Variants in RSPRY1 observed in about 807,000 individuals in gnomAD.
RSPRY1 encodes the protein RING finger and SPRY domain-containing protein 1.
In RSPRY1, 23 loss-of-function variants were observed where a neutral mutation model predicts 73.1. The observed-to-expected ratio is 0.31, with a 90% CI of 0.23 to 0.45. The LOEUF is 0.45. Ranked by LOEUF, RSPRY1 falls within the 20% of genes least tolerant of loss-of-function variation. The pLI, the probability that RSPRY1 is intolerant of heterozygous loss-of-function variation, is 1.00. For missense variants in RSPRY1, 448 were observed against 698.7 expected, an observed-to-expected ratio of 0.64 and a Z score of 4.05; for synonymous variants, 226 against 251.4, an observed-to-expected ratio of 0.90 and a Z score of 0.95.
chr16:57,233,980 C>T (rs1036984377), intron 13 of RSPRY1, among the ~76,000 whole-genome samples: 4 of 152,224 alleles, frequency 2.6e-5, no homozygotes, highest in Non-Finnish European at 5.9e-5. Context: ...TCACACACTT[C>T]TCTGCTCAAA....
At chr16:57,195,049 A>G (rs1447834099) in intron 1 of RSPRY1, among the ~76,000 whole-genome samples, 2 of 152,222 alleles carry the variant, frequency 1.3e-5, no homozygotes, top group Non-Finnish European at 2.9e-5. Flanking sequence ...ATGAAAAAAC[A>G]TGTAAAATGT....
At chr16:57,205,681 A>C (rs781447763) in intron 2 of RSPRY1, among the ~76,000 whole-genome samples, 18 of 152,258 alleles carry the variant, frequency 1.2e-4, no homozygotes, top group Non-Finnish European at 2.5e-4. Flanking sequence ...AGTTAAGAGC[A>C]CAAAGCTTAG....
intron 1 of RSPRY1, among the ~76,000 whole-genome samples, chr16:57,204,222 G>A (rs548554951): frequency 2.8e-4 from 42 of 151,710 alleles, no homozygotes; most frequent in African/African-American, 9.7e-4. Flanking sequence ...ATATAGACAG[G>A]AAAAACTATA....
At chr16:57,216,812 T>C (rs1277964918) in intron 7 of RSPRY1, 92 bp from the exon 8 acceptor site, 2 of 1,205,206 alleles carry the variant, frequency 1.7e-6, no homozygotes, top group East Asian at 2.3e-5. Flanking sequence ...AATTCTTTAA[T>C]TGCCTCTTCC....
At chr16:57,216,330 AC>A (rs1395386618) in intron 7 of RSPRY1, 157 bp downstream of exon 7, 1 of 576,350 alleles carries the variant, frequency 1.7e-6, no homozygotes, top group Non-Finnish European at 3.1e-6. Flanking sequence ...ATGAAGTATA[AC>A]AGGGACAAAG....
At chr16:57,233,707 C>T (rs1870871417) in intron 13 of RSPRY1, among the ~76,000 whole-genome samples, 1 of 152,154 alleles carries the variant, frequency 6.6e-6, no homozygotes. Context: ...TCCCAGTTTC[C>T]CTGGCCATAA....
At chr16:57,199,233 G>T (rs2074511682) in intron 1 of RSPRY1, among the ~76,000 whole-genome samples, 1 of 152,308 alleles carries the variant, frequency 6.6e-6, no homozygotes, top group African/African-American at 2.4e-5. Context: ...GGCGGTTGAT[G>T]CCTGTAATCC....
chr16:57,226,586 C>T (rs1307620634), intron 10 of RSPRY1, among the ~76,000 whole-genome samples: 2 of 152,146 alleles, frequency 1.3e-5, no homozygotes, highest in Non-Finnish European at 2.9e-5. Flanking sequence ...AGTGTCATGG[C>T]ACCTGTTAGA....
At chr16:57,209,675 TTTTA>T (rs1346993651) in intron 4 of RSPRY1, among the ~76,000 whole-genome samples, 1 of 152,046 alleles carries the variant, frequency 6.6e-6, no homozygotes. Context: ...CCCTCTGTCT[TTTTA>T]TTTATTTATT....
At chr16:57,191,485 G>A (rs923586277) in intron 1 of RSPRY1, among the ~76,000 whole-genome samples, 2 of 152,106 alleles carry the variant, frequency 1.3e-5, no homozygotes, top group South Asian at 4.1e-4. Flanking sequence ...ACCAATACAA[G>A]CTTCTCACAT....
At position 57,231,334 on chromosome 16, in the gene RSPRY1, C is replaced by T. The variant is rs2075216883; in HGVS notation, c.1529+15C>T. 1 of 1,603,078 alleles carries T rather than the reference C, an allele frequency of 6.2e-7. No individual in the cohort carries two copies. Among genetic ancestry groups the T allele is most frequent in the Non-Finnish European group, 8.5e-7 (1 of 1,174,298 alleles). ...ATTTTGCCAAGGTAAGGAATCTGCCCAGGCTATCTCCAGACTTTCACATGA... is the reference window on the plus strand; with the variant it reads ...ATTTTGCCAAGGTAAGGAATCTGCCTAGGCTATCTCCAGACTTTCACATGA... On this transcript the variant is annotated intron_variant, in intron 13 of 14. Coordinates refer to ENST00000394420, the MANE Select transcript of RSPRY1 (RefSeq NM_133368.3).
chr16:57,201,840 T>C (rs1401113713), intron 1 of RSPRY1, among the ~76,000 whole-genome samples: 2 of 152,072 alleles, frequency 1.3e-5, no homozygotes, highest in Admixed American at 6.5e-5. Flanking sequence ...GCGCCTGCAA[T>C]CGCAGGCACT....
In RSPRY1 at chr16:57,220,776, A is replaced by C; in HGVS notation, c.946A>C (p.Ser316Arg). Residue 316 changes from serine (S) to arginine (R), a missense_variant, in exon 9 of 15, where the codon AGT becomes CGT. By Grantham distance (110) the Ser-to-Arg change is moderately radical (BLOSUM62 -1). Transcript: ENST00000394420. The part of the protein sequence containing the change: ...RQLTYEKVNL[S>R]SIRAMLNSND... Reference sequence around the variant, plus strand: ...GCTGACCTATGAGAAAGTGAACTTGAGTAGCATTAGGGCCATGCTGAATAG... The same window carrying C: ...GCTGACCTATGAGAAAGTGAACTTGCGTAGCATTAGGGCCATGCTGAATAG... 1 of 1,614,002 alleles carries C rather than the reference A, an allele frequency of 6.2e-7. No individual in the cohort carries two copies. Among genetic ancestry groups the C allele is most frequent in the Non-Finnish European group, 8.5e-7 (1 of 1,179,844 alleles).
At chr16:57,221,839 T>G (rs1295438442) in intron 10 of RSPRY1, among the ~76,000 whole-genome samples, 1 of 152,256 alleles carries the variant, frequency 6.6e-6, no homozygotes, top group Non-Finnish European at 1.5e-5. Context: ...TTCACTTGAC[T>G]TTTACCTAGT....
intron 1 of RSPRY1, among the ~76,000 whole-genome samples, chr16:57,193,188 C>T (rs2074380887): frequency 6.6e-6 from 1 of 152,174 alleles, no homozygotes; most frequent in Admixed American, 6.5e-5. Flanking sequence ...GGTTAGATAG[C>T]TTTGGACATC....
chr16:57,231,193 T>G lies in RSPRY1; in HGVS notation c.1403T>G (p.Phe468Cys), dbSNP rs767384245. 2 of 1,613,586 alleles carry G rather than the reference T, an allele frequency of 1.2e-6. No homozygotes were observed. Among genetic ancestry groups the G allele is most frequent in the South Asian group, 2.2e-5 (2 of 91,028 alleles). The change falls in exon 13 of 15, where the codon TTC becomes TGC. Residue 468 changes from phenylalanine to cysteine, a missense_variant. Physicochemically the swap from Phe to Cys is radical, Grantham distance 205 (BLOSUM62 -2). Coordinates refer to ENST00000394420, the MANE Select transcript of RSPRY1 (RefSeq NM_133368.3). ...TCTGGATTTTTTGCTGCAGCTAGTT[T>G]CATGTCATATCAACAATGTGAGTTC... Reference protein sequence around the residue: ...TVSGFFAAASFMSYQQCEFNF... With the variant: ...TVSGFFAAASCMSYQQCEFNF...
chr16:57,226,299 G>A (rs2075119839), intron 10 of RSPRY1, among the ~76,000 whole-genome samples: 1 of 152,144 alleles, frequency 6.6e-6, no homozygotes, highest in Non-Finnish European at 1.5e-5. Flanking sequence ...CCCAAGAGAG[G>A]GTTTTTGGAC....
chr16:57,238,760 T>C (rs529963896), intron 14 of RSPRY1, 119 bp from the exon 15 acceptor site: 27 of 548,412 alleles, frequency 4.9e-5, no homozygotes, highest in African/African-American at 4.8e-4. Context: ...TTAAACCATG[T>C]ATAATTAGTA....
At chr16:57,211,661 A>G (rs756004639) in intron 4 of RSPRY1, among the ~76,000 whole-genome samples, 1 of 152,222 alleles carries the variant, frequency 6.6e-6, no homozygotes, top group Non-Finnish European at 1.5e-5. Context: ...TATCCTTTAC[A>G]TAGAACAAAA....
Sources: allele counts gnomAD v4.1 joint callset (sites outside exome capture counted in the v4.1 genomes callset), GRCh38; gene constraint gnomAD v4.1.1; transcripts MANE v1.5; gene names NCBI Gene and HGNC (gene_info 2026-07-23, HGNC 2026-07-21).